AGRN: variants seen among roughly 807,000 people sequenced by gnomAD.
The protein encoded by AGRN is agrin.
Under a neutral mutation model 211.0 loss-of-function variants are expected in AGRN, and 106 were observed. The ratio of observed to expected loss-of-function variants is 0.50; its 90% CI spans 0.43 to 0.59. The LOEUF (loss-of-function observed/expected upper bound fraction) is 0.59. Among genes scored for constraint, AGRN ranks in the 20% least tolerant of loss-of-function variants. AGRN has a pLI of 0.00. For missense variants in AGRN, 3,040 were observed against 2,982.6 expected (o/e 1.02, Z -0.45); for synonymous variants, 1,525 against 1,332.5 (o/e 1.14, Z -3.15).
At chr1:1,034,652 C>T (rs1644756837) in intron 2 of AGRN, 1 of 988,716 alleles carries the variant, frequency 1.0e-6, no homozygotes. Context: ...CTGCCTGATC[C>T]TGCTGGCCAC....
At position 1,043,652 on chromosome 1, in the gene AGRN, C is replaced by T. The variant is rs757402635; in HGVS notation, c.1718C>T (p.Thr573Met). 24 of 1,601,550 alleles carry T rather than the reference C, an allele frequency of 1.5e-5. No individual in the cohort carries two copies. Among genetic ancestry groups the T allele is most frequent in the South Asian group, 6.6e-5 (6 of 91,074 alleles). Residue 573 changes from threonine to methionine, a missense_variant, in exon 9 of 36, where the codon ACG becomes ATG. Thr to Met is a moderately conservative substitution (Grantham distance 81). This residue lies in a region of AGRN where 1,498 missense variants were observed against 1,457.8 expected (regional missense o/e 1.03). Coordinates refer to ENST00000379370, the MANE Select transcript of AGRN (RefSeq NM_198576.4). ...AQPVCGSDGH[T>M]YPSECMLHVH... ...CCCGTGTGTGGCTCCGACGGGCACA[C>T]GTACCCCAGCGAGTGCATGCTGCAC... is the stretch of plus-strand genomic sequence containing the variant.
chr1:1,030,711 T>A (rs1644649622), intron 2 of AGRN, among the ~76,000 whole-genome samples: 1 of 81,866 alleles, frequency 1.2e-5, no homozygotes, highest in Non-Finnish European at 2.5e-5. Context: ...CATGGTGCTG[T>A]GTGAGATCAG....
chr1:1,027,817 A>T (rs1644552084), intron 2 of AGRN, among the ~76,000 whole-genome samples: 1 of 152,140 alleles, frequency 6.6e-6, no homozygotes, highest in Non-Finnish European at 1.5e-5. Flanking sequence ...CGCTGGCCTG[A>T]GCCTCCCTGC....
rs1645076981 is a variant in AGRN, at chr1:1,045,870, G to A, written c.2674G>A (p.Glu892Lys). 6.2e-7 allele frequency: 1 copy of A among 1,610,686 alleles called. No homozygotes were observed. Residue 892 changes from glutamate to lysine, a missense_variant, in exon 15 of 36, where the codon GAA (glutamate) becomes AAA (lysine). By Grantham distance (56) the Glu-to-Lys change is moderately conservative. Around this residue, in one of 3 missense-constraint regions of AGRN, gnomAD observed 1,498 missense variants for 1,457.8 expected, o/e 1.03. Coordinates refer to ENST00000379370, the MANE Select transcript of AGRN (RefSeq NM_198576.4). Reference sequence around the variant, plus strand: ...CCGTGCCCTGGGCCCCGCGGGCTGTGAAGCTGGTGAGTGAGGGCCAGCGCT... The same window carrying A: ...CCGTGCCCTGGGCCCCGCGGGCTGTAAAGCTGGTGAGTGAGGGCCAGCGCT... Reference protein sequence around the residue: ...DGRALGPAGCEADASAPATCA... With the variant: ...DGRALGPAGCKADASAPATCA...
Position 1,044,511 on chromosome 1 carries a change from G to A in AGRN, c.2254+72G>A, listed in dbSNP as rs531224358. 1,423 of 1,442,180 alleles carry A rather than the reference G, an allele frequency of 9.9e-4. 7 individuals are homozygous for A. Among genetic ancestry groups the A allele is most frequent in the South Asian group, 3.9e-3 (317 of 81,594 alleles). The allele number at this position is 1,442,180 out of a possible 1,614,324, so 89.3% of individuals were successfully genotyped here. ...TGGGTTTCCGTGTCTGGATGTGGGCGTGCCCGTGTGCTGCGTTGGGCCCCT... is the reference window on the plus strand; with the variant it reads ...TGGGTTTCCGTGTCTGGATGTGGGCATGCCCGTGTGCTGCGTTGGGCCCCT... On this transcript the variant is annotated intron_variant, in intron 12 of 35. Coordinates refer to ENST00000379370, the MANE Select transcript of AGRN (RefSeq NM_198576.4).
rs1645185307 is a variant in AGRN, at chr1:1,048,978, A to C, written c.4217A>C (p.Gln1406Pro). The C allele has an allele frequency of 6.3e-7, 1 of 1,575,888 alleles. No individual in the cohort carries two copies. The highest frequency in any genetic ancestry group is 1.2e-5 in the South Asian group (1 of 86,062). The change falls in exon 24 of 36, where the codon CAG becomes CCG. Residue 1406 changes from glutamine (Q) to proline (P), a missense_variant. Gln to Pro is a moderately conservative substitution (Grantham distance 76). Around this residue, in one of 3 missense-constraint regions of AGRN, gnomAD observed 1,537 missense variants for 1,505.0 expected, o/e 1.02. Transcript: ENST00000379370. The surrounding 1 kb of genome is among the most constrained non-coding windows in gnomAD (Gnocchi z 5.9). ...CTGGAATTCCGGGCGCTGGAGCCTC[A>C]GGGGCTGCTGCTGTACAATGGCAAC... ...LALEFRALEPQGLLLYNGNAR... is the reference protein window; with the variant it reads ...LALEFRALEPPGLLLYNGNAR...
chr1:1,049,996 G>A lies in AGRN; in HGVS notation c.4838G>A (p.Cys1613Tyr), dbSNP rs1347129558. 2 of 1,611,564 alleles carry A rather than the reference G, an allele frequency of 1.2e-6. No individual in the cohort carries two copies. Among genetic ancestry groups the A allele is most frequent in the Non-Finnish European group, 1.7e-6 (2 of 1,179,676 alleles). Residue 1613 changes from cysteine (C) to tyrosine (Y), a missense_variant, in exon 27 of 36, where the codon TGC (cysteine) becomes TAC (tyrosine). By Grantham distance (194) the Cys-to-Tyr change is radical. Transcript: ENST00000379370. ...GTGCTGCCCGAGGGTGGTGCTCAGT[G>A]CGAGTGCCCCCTGGGGCGTGAGGGC... is the stretch of plus-strand genomic sequence containing the variant. ...CRVLPEGGAQ[C>Y]ECPLGREGTF...
chr1:1,048,753 G>T lies in AGRN; in HGVS notation c.4106-114G>T. The T allele has an allele frequency of 1.6e-6, 2 of 1,256,754 alleles. No individual in the cohort carries two copies. The highest frequency in any genetic ancestry group is 2.1e-6 in the Non-Finnish European group (2 of 951,540). The allele number at this position is 1,256,754 out of a possible 1,614,324, so 77.9% of individuals were successfully genotyped here. On this transcript the variant is annotated intron_variant, in intron 23 of 35. Coordinates refer to ENST00000379370, the MANE Select transcript of AGRN (RefSeq NM_198576.4). This position sits in a 1 kb window ranked among gnomAD's most constrained non-coding sequence, Gnocchi z 5.9. ...CTGCACTCCAGCCGGGGCAAAAAGA[G>T]CAAAACTCCGTCTCAAAAAAAAAAA...
intron 19 of AGRN, 169 bp from the exon 20 acceptor site, chr1:1,047,158 T>G: frequency 7.4e-7 from 1 of 1,353,164 alleles, no homozygotes; most frequent in Non-Finnish European, 9.9e-7. Context: ...TGAGGAGTCC[T>G]CCTGGTAACC....
intron 1 of AGRN, among the ~76,000 whole-genome samples, chr1:1,021,172 C>G (rs756458136): frequency 6.6e-6 from 1 of 152,200 alleles, no homozygotes; most frequent in Non-Finnish European, 1.5e-5. Context: ...TCAGACTGGC[C>G]GGTGCGGGCT....
chr1:1,049,832 C>A (rs751199665), intron 26 of AGRN, 37 bp downstream of exon 26: 7 of 1,609,766 alleles, frequency 4.3e-6, no homozygotes. Context: ...AGTGGGACCC[C>A]GGGGCCTGTG....
chr1:1,044,255 C>T lies in AGRN; in HGVS notation c.2146C>T (p.Pro716Ser), dbSNP rs1216197644. The T allele has an allele frequency of 4.1e-5, 66 of 1,612,712 alleles. No individual in the cohort carries two copies. The highest frequency in any genetic ancestry group is 5.4e-5 in the Non-Finnish European group (64 of 1,179,888). The change falls in exon 11 of 36, where the codon CCG becomes TCG. Residue 716 changes from proline to serine, a missense_variant and splice_region_variant. Physicochemically the swap from Pro to Ser is moderately conservative, Grantham distance 74 (BLOSUM62 -1). Transcript: ENST00000379370. Reference sequence around the variant, plus strand: ...CAGCTGCCAGAGTGTCCCAGGCAGCCCGGTGAGCTCTGTACCCCTGGCTCT... The same window carrying T: ...CAGCTGCCAGAGTGTCCCAGGCAGCTCGGTGAGCTCTGTACCCCTGGCTCT... ...DFSCQSVPGS[P>S]VCGSDGVTYS...
At chr1:1,025,623 C>A (rs1405917566) in intron 2 of AGRN, among the ~76,000 whole-genome samples, 1 of 152,116 alleles carries the variant, frequency 6.6e-6, no homozygotes, top group Non-Finnish European at 1.5e-5. Flanking sequence ...CCCCTGGTTC[C>A]CCCACCCCCA....
chr1:1,044,168 T>G lies in AGRN; in HGVS notation c.2059T>G (p.Cys687Gly). Reference sequence around the variant, plus strand: ...GGACGGTGACTGTGAGCAGGAGCTGTGCCGGCAGCGCGGTGGCATCTGGGA... The same window carrying G: ...GGACGGTGACTGTGAGCAGGAGCTGGGCCGGCAGCGCGGTGGCATCTGGGA... Reference protein sequence around the residue: ...GEDGDCEQELCRQRGGIWDED... With the variant: ...GEDGDCEQELGRQRGGIWDED... The change falls in exon 11 of 36, where the codon TGC (cysteine) becomes GGC (glycine). Residue 687 changes from cysteine to glycine, a missense_variant. This residue lies in a region of AGRN where 1,498 missense variants were observed against 1,457.8 expected (regional missense o/e 1.03). Transcript: ENST00000379370. 10 of 1,613,146 alleles carry G rather than the reference T, an allele frequency of 6.2e-6. No homozygotes were observed. Among genetic ancestry groups the G allele is most frequent in the Non-Finnish European group, 8.5e-6 (10 of 1,179,920 alleles).
At chr1:1,051,106 C>T (rs928645100) in intron 30 of AGRN, 147 bp from the exon 31 acceptor site, 4 of 1,544,410 alleles carry the variant, frequency 2.6e-6, no homozygotes, top group Middle Eastern at 3.3e-4. Flanking sequence ...TAGCTCCTCC[C>T]CCACTAAGGA....
chr1:1,042,222 G>A (rs751980398), intron 7 of AGRN, 60 bp downstream of exon 7: 201 of 1,521,768 alleles, frequency 1.3e-4, no homozygotes, highest in Non-Finnish European at 1.7e-4. Context: ...GTCCCTGCCT[G>A]GACATCACAT....
At chr1:1,051,149 C>A in intron 30 of AGRN, 104 bp from the exon 31 acceptor site, 2 of 1,269,236 alleles carry the variant, frequency 1.6e-6, no homozygotes, top group Non-Finnish European at 2.2e-6. Flanking sequence ...ACGCTGCCCC[C>A]TAGATAGGCA....
chr1:1,041,650 C>T lies in AGRN; in HGVS notation c.1125C>T (p.Ala375=), dbSNP rs1250656460. Residue 375 remains alanine (A), a synonymous_variant, in exon 6 of 36, where the codon GCC becomes GCT. Coordinates refer to ENST00000379370, the MANE Select transcript of AGRN (RefSeq NM_198576.4). ...ENDCVMGRSG[A]ARGLLLQKVR... is the part of the protein sequence containing the mutation. ...ACTGTGTCATGGGCCGATCGGGGGC[C>T]GCCCGGGGTCTCCTCCTGCAGAAAG... 2 of 1,611,116 alleles carry T rather than the reference C, an allele frequency of 1.2e-6. No individual in the cohort carries two copies. Among genetic ancestry groups the T allele is most frequent in the South Asian group, 1.1e-5 (1 of 91,006 alleles).
At chr1:1,052,178 G>C (rs1314497796) in intron 33 of AGRN, 1 of 878,248 alleles carries the variant, frequency 1.1e-6, no homozygotes, top group East Asian at 5.6e-5. Context: ...TGCCTCAGAA[G>C]TGCAGTCGCC....
Sources: gnomAD v4.1 joint callset for allele counts (sites outside exome capture counted in the v4.1 genomes callset) on GRCh38, gnomAD v4.1.1 for gene constraint, gnomAD v4.1.1 regional missense constraint, Gnocchi (gnomAD v3.1) non-coding constraint, MANE v1.5 for transcripts, NCBI Gene and HGNC (gene_info 2026-07-23, HGNC 2026-07-21) for gene names.